PPP1R12A: variants seen among roughly 807,000 people sequenced by gnomAD.
PPP1R12A encodes myosin binding subunit.
In PPP1R12A, 19 loss-of-function variants were observed where a neutral mutation model predicts 139.6. The observed-to-expected ratio is 0.14, with a 90% CI of 0.09 to 0.20. PPP1R12A has a LOEUF of 0.20. PPP1R12A is among the 10% of genes least tolerant of loss of function. The probability of loss-of-function intolerance (pLI) is 1.00; values close to 1 mark genes in which losing one functional copy is unlikely to be tolerated. For missense variants in PPP1R12A, 925 were observed against 1,211.5 expected (o/e 0.76, Z 3.51); for synonymous variants, 427 against 420.6 (o/e 1.02, Z -0.19).
chr12:79,900,826 TCA>T (rs1885571917), intron 1 of PPP1R12A, among the ~76,000 whole-genome samples: 2 of 152,162 alleles, frequency 1.3e-5, no homozygotes, highest in African/African-American at 4.8e-5. Context: ...ATTAAAAATC[TCA>T]GTTTAACTAT....
chr12:79,798,055 T>C (rs556874517), intron 15 of PPP1R12A, among the ~76,000 whole-genome samples: 1 of 152,270 alleles, frequency 6.6e-6, no homozygotes, highest in Admixed American at 6.5e-5. Flanking sequence ...ATATTAGTTG[T>C]TTATACCTAA....
intron 14 of PPP1R12A, among the ~76,000 whole-genome samples, chr12:79,803,932 T>C (rs1873506882): frequency 6.6e-6 from 1 of 152,166 alleles, no homozygotes; most frequent in Admixed American, 6.5e-5. Context: ...GAATCATAAT[T>C]TGTTCTGAAA....
At chr12:79,900,412 T>C (rs1172745776) in intron 1 of PPP1R12A, among the ~76,000 whole-genome samples, 1 of 152,200 alleles carries the variant, frequency 6.6e-6, no homozygotes, top group Non-Finnish European at 1.5e-5. Flanking sequence ...AATTCATTGA[T>C]GGATTCTAGG....
At chr12:79,884,662 G>A (rs767438946) in intron 1 of PPP1R12A, among the ~76,000 whole-genome samples, 1 of 152,140 alleles carries the variant, frequency 6.6e-6, no homozygotes, top group Non-Finnish European at 1.5e-5. Context: ...ACCATATAAG[G>A]AAAGAAGCAG....
chr12:79,872,668 A>G (rs1882699777), intron 2 of PPP1R12A, 140 bp downstream of exon 2: 2 of 961,610 alleles, frequency 2.1e-6, no homozygotes, highest in East Asian at 5.4e-5. Flanking sequence ...CCCAATAACC[A>G]CTTATTTTCT....
At position 79,796,853 on chromosome 12, in the gene PPP1R12A, A is replaced by C; in HGVS notation, c.2390T>G (p.Leu797Arg). ...MSSSLYASSQ[L>R]NRPNSLVGIT... ...GCCTACAAGACTATTTGGCCTGTTT[A>C]GTTGACTTGAAGCATACAGTGAACT... The change falls in exon 17 of 25, where the codon CTA (leucine) becomes CGA (arginine). Residue 797 changes from leucine to arginine, a missense_variant. Transcript: ENST00000450142. 6.2e-7 allele frequency: 1 copy of C among 1,611,498 alleles called. No individual in the cohort carries two copies. Among genetic ancestry groups the C allele is most frequent in the East Asian group, 2.2e-5 (1 of 44,788 alleles).
At chr12:79,826,718 TA>T (rs1317759130) in intron 5 of PPP1R12A, among the ~76,000 whole-genome samples, 1 of 152,216 alleles carries the variant, frequency 6.6e-6, no homozygotes, top group Non-Finnish European at 1.5e-5. Flanking sequence ...CAGATGCCAA[TA>T]AAATGATTTT....
intron 21 of PPP1R12A, chr12:79,788,301 A>G (rs1290792583): frequency 6.0e-6 from 1 of 167,764 alleles, no homozygotes; most frequent in East Asian, 1.6e-4. Flanking sequence ...ATGAAAAACT[A>G]CCAATATATT....
At chr12:79,821,054 A>C (rs1356583990) in intron 7 of PPP1R12A, 24 bp downstream of exon 7, 1 of 1,597,414 alleles carries the variant, frequency 6.3e-7, no homozygotes, top group Non-Finnish European at 8.6e-7. Context: ...AAAAATAACA[A>C]ATGTACTTGA....
At chr12:79,925,030 C>G (rs1887725631) in intron 1 of PPP1R12A, among the ~76,000 whole-genome samples, 1 of 151,938 alleles carries the variant, frequency 6.6e-6, no homozygotes, top group Admixed American at 6.6e-5. Context: ...CGAATGATAT[C>G]ATTTTCAAAA....
At chr12:79,874,597 T>C (rs757770415) in intron 1 of PPP1R12A, among the ~76,000 whole-genome samples, 4 of 152,026 alleles carry the variant, frequency 2.6e-5, no homozygotes, top group Non-Finnish European at 5.9e-5. Flanking sequence ...TATTAATACA[T>C]ATAACCTGCA....
At chr12:79,803,974 G>A (rs1392277253) in intron 14 of PPP1R12A, among the ~76,000 whole-genome samples, 7 of 152,006 alleles carry the variant, frequency 4.6e-5, no homozygotes, top group Non-Finnish European at 8.8e-5. Flanking sequence ...CATTTATTAG[G>A]TTTTGTCACT....
Position 79,895,621 on chromosome 12 carries a change from T to C in PPP1R12A, c.238-22683A>G, listed in dbSNP as rs36021533. Among the ~76,000 whole-genome samples the C allele has an allele frequency of 2.0e-3, 311 of 152,286 alleles. 2 individuals carry two copies. The highest frequency in any genetic ancestry group is 0.017 in the Middle Eastern group (5 of 294). On this transcript the variant is annotated intron_variant, in intron 1 of 24. Transcript: ENST00000450142. Reference sequence around the variant, plus strand: ...TATTTCATCTTAAGAGAACAGACTGTATACATAAGACATAAAGGTATACCC... The same window carrying C: ...TATTTCATCTTAAGAGAACAGACTGCATACATAAGACATAAAGGTATACCC...
At chr12:79,918,936 C>T (rs374012202) in intron 1 of PPP1R12A, among the ~76,000 whole-genome samples, 33 of 151,578 alleles carry the variant, frequency 2.2e-4, no homozygotes, top group African/African-American at 7.7e-4. Flanking sequence ...GCCAACACGG[C>T]GAAACCCCGT....
intron 2 of PPP1R12A, among the ~76,000 whole-genome samples, chr12:79,860,320 A>G (rs191283641): frequency 3.3e-5 from 5 of 152,346 alleles, no homozygotes; most frequent in East Asian, 1.9e-4. Flanking sequence ...AAAATAAGGG[A>G]CAACTCTAAG....
At chr12:79,839,635 CG>C (rs1430160719) in intron 3 of PPP1R12A, among the ~76,000 whole-genome samples, 1 of 152,108 alleles carries the variant, frequency 6.6e-6, no homozygotes, top group African/African-American at 2.4e-5. Flanking sequence ...CGAGATCTGA[CG>C]GTTTTAAAAG....
chr12:79,817,885 A>G (rs1875602432), intron 8 of PPP1R12A, among the ~76,000 whole-genome samples: 2 of 152,218 alleles, frequency 1.3e-5, no homozygotes, highest in South Asian at 4.1e-4. Context: ...TTTCTAATGG[A>G]TAAACAACTA....
At chr12:79,894,133 G>A (rs970733146) in intron 1 of PPP1R12A, among the ~76,000 whole-genome samples, 11 of 152,236 alleles carry the variant, frequency 7.2e-5, no homozygotes, top group East Asian at 1.9e-4. Context: ...ATAACATAAT[G>A]AGACTGCTTT....
At chr12:79,825,017 G>C (rs987910472) in intron 5 of PPP1R12A, 1 of 151,818 alleles carries the variant, frequency 6.6e-6, no homozygotes, top group African/African-American at 2.4e-5. Flanking sequence ...TCACAACAAC[G>C]AATAATGTAG....
Sources: gnomAD v4.1 joint callset for allele counts (sites outside exome capture counted in the v4.1 genomes callset) on GRCh38, gnomAD v4.1.1 for gene constraint, MANE v1.5 for transcripts, NCBI Gene and HGNC (gene_info 2026-07-23, HGNC 2026-07-21) for gene names.